The following BANP variants were observed in gnomAD, a reference collection of about 807,000 sequenced individuals.
BANP encodes the protein protein BANP.
In BANP, 11 loss-of-function variants were observed where a neutral mutation model predicts 68.1. That is an observed-to-expected ratio of 0.16 (90% confidence interval 0.10 to 0.27). The LOEUF is 0.27. Ranked by LOEUF, BANP falls within the 10% of genes least tolerant of loss-of-function variation. The pLI, the probability that BANP is intolerant of heterozygous loss-of-function variation, is 1.00. For missense variants in BANP, 504 were observed against 722.7 expected (o/e 0.70, Z 3.47); for synonymous variants, 329 against 303.2 (o/e 1.09, Z -0.88).
In BANP at chr16:88,064,254, C is replaced by T. The variant is rs557784255; in HGVS notation, c.1312-1013C>T. On this transcript the variant is annotated intron_variant, in intron 11 of 13. Coordinates refer to ENST00000682872, the MANE Select transcript of BANP (RefSeq NM_001386991.1). The surrounding 1 kb of genome is among the most constrained non-coding windows in gnomAD (Gnocchi z 4.5). ...GGCGGTGGATGTTGAGGCAGTTGTG[C>T]GTCCACGGCGGGGCCTGCCTCCGTG... 2.6e-5 allele frequency among the ~76,000 whole-genome samples: 4 copies of T among 152,204 alleles called. No individual in the cohort carries two copies. Among genetic ancestry groups the T allele is most frequent in the African/African-American group, 4.8e-5 (2 of 41,550 alleles).
rs1037780451 is a variant in BANP, at chr16:88,071,100, G to A, written c.1378-969G>A. 3.8e-6 allele frequency: 1 copy of A among 266,166 alleles called. No homozygotes were observed. Among genetic ancestry groups the A allele is most frequent in the Non-Finnish European group, 7.4e-6 (1 of 135,700 alleles). 16.5% of individuals were successfully genotyped at this position (266,166 alleles called of 1,614,324 possible). ...GCAGGTCCCACGGAGGGGATGCTGC[G>A]GCCAGGCTCCGTGGGGTGGGGCACC... On this transcript the variant is annotated intron_variant, in intron 12 of 13. Coordinates refer to ENST00000682872, the MANE Select transcript of BANP (RefSeq NM_001386991.1). This position sits in a 1 kb window ranked among gnomAD's most constrained non-coding sequence, Gnocchi z 6.5.
At position 88,004,549 on chromosome 16, in the gene BANP, C is replaced by A; in HGVS notation, c.479+138C>A. ...TCACAGGGTTGAGCCTGGCAGGCACCGCCCCAGCTCTCTGAGGTCGGGGAG... is the reference window on the plus strand; with the variant it reads ...TCACAGGGTTGAGCCTGGCAGGCACAGCCCCAGCTCTCTGAGGTCGGGGAG... On this transcript the variant is annotated intron_variant, in intron 5 of 13. Transcript: ENST00000682872. This position sits in a 1 kb window ranked among gnomAD's most constrained non-coding sequence, Gnocchi z 7.0. The A allele has an allele frequency of 1.7e-6, 1 of 589,938 alleles. No individual in the cohort carries two copies. Among genetic ancestry groups the A allele is most frequent in the East Asian group, 3.1e-5 (1 of 32,200 alleles). 36.5% of individuals were successfully genotyped at this position (589,938 alleles called of 1,614,324 possible).
At chr16:88,059,739 G>A (rs570482907) in intron 11 of BANP, among the ~76,000 whole-genome samples, 50 of 152,286 alleles carry the variant, frequency 3.3e-4, no homozygotes, top group African/African-American at 1.1e-3. Flanking sequence ...TACTCCTCGC[G>A]TCCTGTCAGG....
intron 6 of BANP, among the ~76,000 whole-genome samples, chr16:88,014,459 C>T (rs762043294): frequency 2.6e-5 from 4 of 151,988 alleles, no homozygotes; most frequent in Non-Finnish European, 4.4e-5. Flanking sequence ...GGAGAGCCCA[C>T]GTCATCCCTC....
At chr16:88,041,253 C>T (rs1330196890) in intron 11 of BANP, among the ~76,000 whole-genome samples, 3 of 152,192 alleles carry the variant, frequency 2.0e-5, no homozygotes, top group African/African-American at 7.2e-5. Flanking sequence ...GAGGGTTGTG[C>T]GCTGTGCTTG....
chr16:88,051,073 C>G (rs985543599), intron 11 of BANP, among the ~76,000 whole-genome samples: 2 of 152,250 alleles, frequency 1.3e-5, no homozygotes, highest in African/African-American at 4.8e-5. Context: ...TGAGCAGTCA[C>G]TCTTCTCCCG....
intron 1 of BANP, among the ~76,000 whole-genome samples, chr16:87,965,813 T>C (rs1453631217): frequency 1.3e-5 from 2 of 152,168 alleles, no homozygotes; most frequent in African/African-American, 4.8e-5. Flanking sequence ...GACACATCAC[T>C]TGGTTGTAGA....
chr16:88,039,171 C>A (rs148114756), intron 11 of BANP, among the ~76,000 whole-genome samples: 3,367 of 152,212 alleles, frequency 0.022, 129 homozygotes, highest in African/African-American at 0.077. Context: ...AAAGTTTCAT[C>A]TTAAAGATCA....
At chr16:88,067,680 G>A (rs544583070) in intron 12 of BANP, among the ~76,000 whole-genome samples, 37 of 149,998 alleles carry the variant, frequency 2.5e-4, no homozygotes, top group Middle Eastern at 3.4e-3. Context: ...TGCACCCCAC[G>A]GCGCTCACCC....
intron 2 of BANP, 174 bp from the exon 3 acceptor site, chr16:87,980,862 G>C: frequency 1.7e-6 from 1 of 587,412 alleles, no homozygotes; most frequent in East Asian, 2.9e-5. Context: ...GGATTAAGGA[G>C]TTATCCTGTT....
intron 11 of BANP, among the ~76,000 whole-genome samples, chr16:88,043,794 T>G (rs1362448441): frequency 6.6e-6 from 1 of 151,984 alleles, no homozygotes; most frequent in East Asian, 1.9e-4. Flanking sequence ...GTAAAATAAT[T>G]TATTGTCTAA....
chr16:88,037,956 C>G lies in BANP; in HGVS notation c.1273-17C>G, dbSNP rs1015836594. On this transcript the variant is annotated splice_polypyrimidine_tract_variant and intron_variant, in intron 10 of 13. Transcript: ENST00000682872. ...GTGTTTCTACTCATGACCGTCTCCT[C>G]CTCTCGTTCTTTGTAGGGCAACCTC... The G allele has an allele frequency of 3.1e-6, 5 of 1,613,278 alleles. No individual in the cohort carries two copies. The highest frequency in any genetic ancestry group is 4.2e-6 in the Non-Finnish European group (5 of 1,179,354).
intron 11 of BANP, among the ~76,000 whole-genome samples, chr16:88,050,551 C>T (rs1178212372): frequency 3.9e-5 from 6 of 152,172 alleles, no homozygotes; most frequent in African/African-American, 9.6e-5. Context: ...GCCTAAGTGG[C>T]GTTGCAGCCC....
intron 11 of BANP, among the ~76,000 whole-genome samples, chr16:88,056,385 G>A (rs144818233): frequency 1.3e-5 from 2 of 152,188 alleles, no homozygotes; most frequent in South Asian, 2.1e-4. Context: ...TGGTTGCAGC[G>A]TAGAAGAATC....
At position 88,023,210 on chromosome 16, in the gene BANP, G is replaced by A. The variant is rs2076338606; in HGVS notation, c.896-4273G>A. Among the ~76,000 whole-genome samples, 2 of 152,186 alleles carry A rather than the reference G, an allele frequency of 1.3e-5. 1 individual carries two copies. Among genetic ancestry groups the A allele is most frequent in the South Asian group, 4.1e-4 (2 of 4,826 alleles). Reference sequence around the variant, plus strand: ...GTGTGGGCTTCAGGCAGAAAAGTGAGCAGAGCCTCCTTCTCAGCAGGTCAC... The same window carrying A: ...GTGTGGGCTTCAGGCAGAAAAGTGAACAGAGCCTCCTTCTCAGCAGGTCAC... On this transcript the variant is annotated intron_variant, in intron 7 of 13. Coordinates refer to ENST00000682872, the MANE Select transcript of BANP (RefSeq NM_001386991.1).
intron 4 of BANP, among the ~76,000 whole-genome samples, chr16:87,993,591 GT>G (rs371442198): frequency 0.02 from 2,843 of 143,474 alleles, 30 homozygotes; most frequent in African/African-American, 0.033. Context: ...ATCATTAGTG[GT>G]TTTTTTTTTT....
chr16:87,952,397 G>T (rs2057122762), intron 1 of BANP: 1 of 152,210 alleles, frequency 6.6e-6, no homozygotes, highest in Non-Finnish European at 1.5e-5. Context: ...GGGTCACACA[G>T]TTGTTGATGT....
Position 88,076,720 on chromosome 16 carries a change from C to T in BANP, c.*59C>T. The T allele has an allele frequency of 1.0e-5, 15 of 1,440,136 alleles. No homozygotes were observed. The highest frequency in any genetic ancestry group is 1.3e-5 in the Non-Finnish European group (14 of 1,060,734). The allele number at this position is 1,440,136 out of a possible 1,614,324, so 89.2% of individuals were successfully genotyped here. On this transcript the variant is annotated 3_prime_UTR_variant, in exon 14 of 14. Transcript: ENST00000682872. Reference sequence around the variant, plus strand: ...CTCCGCCTACGGCCCGGCCCCCACGCGCCCTGCTCTCACGGCCTCGGCACA... The same window carrying T: ...CTCCGCCTACGGCCCGGCCCCCACGTGCCCTGCTCTCACGGCCTCGGCACA...
intron 1 of BANP, among the ~76,000 whole-genome samples, chr16:87,955,779 C>T (rs1246205941): frequency 1.3e-5 from 2 of 152,148 alleles, no homozygotes; most frequent in Admixed American, 1.3e-4. Context: ...AGTCATAAGA[C>T]GTTGACACCA....
Sources: allele counts gnomAD v4.1 joint callset (sites outside exome capture counted in the v4.1 genomes callset), GRCh38; gene constraint gnomAD v4.1.1; non-coding constraint Gnocchi (gnomAD v3.1); transcripts MANE v1.5; gene names NCBI Gene and HGNC (gene_info 2026-07-23, HGNC 2026-07-21).